EPRS1: variants seen among roughly 807,000 people sequenced by gnomAD.
EPRS1 encodes the protein glutamyl-prolyl-tRNA synthetase 1.
A neutral mutation model predicts 188.3 loss-of-function variants in EPRS1; 107 were observed. The observed-to-expected ratio is 0.57, with a 90% CI of 0.49 to 0.67. The LOEUF (loss-of-function observed/expected upper bound fraction) is 0.67. Among genes scored for constraint, EPRS1 ranks in the 30% least tolerant of loss-of-function variants. The pLI is 0.00. For missense variants in EPRS1, 1,577 were observed against 1,802.2 expected, an observed-to-expected ratio of 0.88 and a Z score of 2.26; for synonymous variants, 596 against 593.1, an observed-to-expected ratio of 1.00 and a Z score of -0.07.
chr1:220,041,207 C>T (rs921072637), intron 1 of EPRS1, among the ~76,000 whole-genome samples: 5 of 152,062 alleles, frequency 3.3e-5, no homozygotes, highest in Middle Eastern at 3.4e-3. Context: ...TGGTACACAC[C>T]TGTGGTCCCA....
At chr1:220,025,972 T>C (rs868299143) in intron 6 of EPRS1, among the ~76,000 whole-genome samples, 1 of 152,104 alleles carries the variant, frequency 6.6e-6, no homozygotes, top group Middle Eastern at 3.2e-3. Context: ...TTTTTGTATT[T>C]TTAGTAGAAA....
At chr1:220,008,101 C>T (rs1402349094) in intron 13 of EPRS1, among the ~76,000 whole-genome samples, 8 of 128,686 alleles carry the variant, frequency 6.2e-5, no homozygotes, top group Admixed American at 3.4e-4. Context: ...AGCGAGACTC[C>T]GTCACCAAAA....
chr1:220,043,420 G>A (rs1331836230), intron 1 of EPRS1, among the ~76,000 whole-genome samples: 2 of 152,096 alleles, frequency 1.3e-5, no homozygotes, highest in Non-Finnish European at 2.9e-5. Context: ...ACAGAAAAAT[G>A]CCAACTAATA....
chr1:219,980,467 G>A (rs937946440), intron 25 of EPRS1, among the ~76,000 whole-genome samples: 1 of 152,038 alleles, frequency 6.6e-6, no homozygotes, highest in Non-Finnish European at 1.5e-5. Flanking sequence ...TATATGTTTA[G>A]AATATAAGAG....
At position 220,018,446 on chromosome 1, in the gene EPRS1, T is replaced by C. The variant is rs374241113; in HGVS notation, c.1494+3A>G. ...AAAGAAGGCAGAGAGTTAACATACA[T>C]ACCTTTTTGTTAAACGCCCAGATTT... On this transcript the variant is annotated splice_donor_region_variant and intron_variant, in intron 12 of 31. Coordinates refer to ENST00000366923, the MANE Select transcript of EPRS1 (RefSeq NM_004446.3). 6.9e-6 allele frequency: 11 copies of C among 1,604,348 alleles called. No homozygotes were observed. The highest frequency in any genetic ancestry group is 6.7e-5 in the African/African-American group (5 of 74,728).
At chr1:219,995,028 C>T (rs1661205443) in intron 18 of EPRS1, among the ~76,000 whole-genome samples, 1 of 152,032 alleles carries the variant, frequency 6.6e-6, no homozygotes. Flanking sequence ...TTTCCAAGAA[C>T]CTATGAACAA....
chr1:219,997,447 GAA>G, intron 17 of EPRS1, 105 bp from the exon 18 acceptor site: 1 of 1,049,916 alleles, frequency 9.5e-7, no homozygotes, highest in Non-Finnish European at 1.3e-6. Flanking sequence ...ATTAAAAACA[GAA>G]ACTTTAAACT....
chr1:220,035,460 T>G (rs1662159967), intron 2 of EPRS1, among the ~76,000 whole-genome samples: 1 of 152,180 alleles, frequency 6.6e-6, no homozygotes, highest in Admixed American at 6.5e-5. Context: ...TCTGCTAATT[T>G]GTTCTTTACA....
chr1:219,996,425 A>G (rs1363089324), intron 18 of EPRS1, among the ~76,000 whole-genome samples: 2 of 152,204 alleles, frequency 1.3e-5, no homozygotes, highest in Non-Finnish European at 2.9e-5. Context: ...GGTCCCTGGG[A>G]CAGTAGCATC....
At chr1:220,036,157 G>A (rs1371495435) in intron 2 of EPRS1, among the ~76,000 whole-genome samples, 2 of 152,194 alleles carry the variant, frequency 1.3e-5, no homozygotes, top group African/African-American at 2.4e-5. Context: ...CCAAGATCGT[G>A]CCACTGCACT....
chr1:219,978,012 A>G (rs974679068), intron 28 of EPRS1, among the ~76,000 whole-genome samples: 14 of 152,234 alleles, frequency 9.2e-5, no homozygotes, highest in African/African-American at 3.4e-4. Flanking sequence ...TAATCTATTA[A>G]TGACAATGTG....
At chr1:220,032,875 T>C (rs750847196) in intron 4 of EPRS1, among the ~76,000 whole-genome samples, 4 of 151,112 alleles carry the variant, frequency 2.6e-5, no homozygotes, top group Non-Finnish European at 4.4e-5. Context: ...TCCACAGCTG[T>C]GTGTGTGTGT....
At chr1:220,012,537 T>G (rs894300532) in intron 12 of EPRS1, among the ~76,000 whole-genome samples, 17 of 152,232 alleles carry the variant, frequency 1.1e-4, no homozygotes, top group African/African-American at 4.1e-4. Flanking sequence ...GAAATCTAAT[T>G]TTTAACAAGC....
chr1:220,010,607 T>C (rs746954506), intron 13 of EPRS1, among the ~76,000 whole-genome samples: 1 of 152,100 alleles, frequency 6.6e-6, no homozygotes, highest in African/African-American at 2.4e-5. Flanking sequence ...GTCAGGAGAT[T>C]GAGACCAACC....
At chr1:219,984,004 A>G (rs74139267) in intron 21 of EPRS1, among the ~76,000 whole-genome samples, 8 of 151,968 alleles carry the variant, frequency 5.3e-5, no homozygotes, top group Non-Finnish European at 1.0e-4. Context: ...ATCAATCACT[A>G]TCTCATGGTA....
chr1:220,032,274 G>A, intron 5 of EPRS1, 113 bp downstream of exon 5: 2 of 696,818 alleles, frequency 2.9e-6, no homozygotes, highest in South Asian at 2.9e-5. Context: ...TTTTAGCAGA[G>A]ATGCGGTTTC....
chr1:220,007,952 A>G (rs1280393811), intron 13 of EPRS1, among the ~76,000 whole-genome samples: 1 of 152,094 alleles, frequency 6.6e-6, no homozygotes, highest in Non-Finnish European at 1.5e-5. Context: ...CTAAAAATAC[A>G]GAAAGTTAAC....
chr1:219,987,097 T>TTAA (rs756275904), intron 20 of EPRS1, 45 bp downstream of exon 20: 1 of 1,570,884 alleles, frequency 6.4e-7, no homozygotes, highest in South Asian at 1.2e-5. Flanking sequence ...AAGAATTGAA[T>TTAA]TAATTCACTG....
Position 220,033,598 on chromosome 1 carries a change from T to G in EPRS1, c.292A>C (p.Thr98Pro), listed in dbSNP as rs765955145. Reference sequence around the variant, plus strand: ...AGGCAATGATTGAGTTCATTAATTGTAGAAGTAAAGGAATCACATGAAGAT... The same window carrying G: ...AGGCAATGATTGAGTTCATTAATTGGAGAAGTAAAGGAATCACATGAAGAT... ...KLSSCDSFTS[T>P]INELNHCLSL... The change falls in exon 4 of 32, where the codon ACA becomes CCA. Residue 98 changes from threonine to proline, a missense_variant. Physicochemically the swap from Thr to Pro is conservative, Grantham distance 38. Coordinates refer to ENST00000366923, the MANE Select transcript of EPRS1 (RefSeq NM_004446.3). 6.2e-7 allele frequency: 1 copy of G among 1,609,092 alleles called. No homozygotes were observed. Among genetic ancestry groups the G allele is most frequent in the Non-Finnish European group, 8.5e-7 (1 of 1,175,664 alleles).
Sources: allele counts gnomAD v4.1 joint callset (sites outside exome capture counted in the v4.1 genomes callset), GRCh38; gene constraint gnomAD v4.1.1; transcripts MANE v1.5; gene names NCBI Gene and HGNC (gene_info 2026-07-23, HGNC 2026-07-21).